Variants in CHD9 observed in about 807,000 individuals in gnomAD.
CHD9 encodes the protein chromodomain helicase DNA binding protein 9, also known as ATP-dependent chromatin remodeler CHD9.
Under a neutral mutation model 316.1 loss-of-function variants are expected in CHD9, and 77 were observed. The observed-to-expected ratio is 0.24, with a 90% CI of 0.20 to 0.29. The LOEUF is 0.29. Among genes scored for constraint, CHD9 ranks in the 10% least tolerant of loss-of-function variants. The pLI, the probability that CHD9 is intolerant of heterozygous loss-of-function variation, is 1.00. For synonymous variants in CHD9, 1,129 were observed against 1,158.3 expected (o/e 0.97, Z 0.51); for missense variants, 2,763 against 3,438.1 (o/e 0.80, Z 4.91).
Position 53,226,571 on chromosome 16 carries a change from T to C in CHD9, c.2043+59T>C, listed in dbSNP as rs2047674402. 2.6e-6 allele frequency: 4 copies of C among 1,539,342 alleles called. No individual in the cohort carries two copies. The African/African-American group carries it at 4.3e-5, about 16-fold the overall frequency. On this transcript the variant is annotated intron_variant, in intron 5 of 38. Coordinates refer to ENST00000447540, the MANE Select transcript of CHD9 (RefSeq NM_001308319.2). ...TTTAAACCGACATAAATTCTATAAATACTTGCATTGTTTTTCCTACTAAAA... is the reference window on the plus strand; with the variant it reads ...TTTAAACCGACATAAATTCTATAAACACTTGCATTGTTTTTCCTACTAAAA...
At chr16:53,254,087 G>C (rs2050358183) in intron 17 of CHD9, among the ~76,000 whole-genome samples, 2 of 152,130 alleles carry the variant, frequency 1.3e-5, no homozygotes, top group Non-Finnish European at 2.9e-5. Context: ...CGAGGCAGGA[G>C]AATCACTTGA....
chr16:53,220,305 G>A (rs2047130663), intron 3 of CHD9, among the ~76,000 whole-genome samples: 1 of 152,158 alleles, frequency 6.6e-6, no homozygotes, highest in Non-Finnish European at 1.5e-5. Flanking sequence ...TCTGTTGAAT[G>A]TGGTAATCAT....
rs374444018 is a variant in CHD9, at chr16:53,074,031, T to C, written c.-165+18954T>C. ...TGGAACTTCCTAGAGACTTGTTGAA[T>C]GGCTTTGACAAAATACTGATAATGA... is the stretch of plus-strand genomic sequence containing the variant. On this transcript the variant is annotated intron_variant, in intron 1 of 38. Coordinates refer to ENST00000447540, the MANE Select transcript of CHD9 (RefSeq NM_001308319.2). Among the ~76,000 whole-genome samples, 6 of 152,222 alleles carry C rather than the reference T, an allele frequency of 3.9e-5. No individual in the cohort carries two copies. The East Asian group carries it at 1.2e-3, about 29-fold the overall frequency.
chr16:53,209,259 A>G (rs1489071250), intron 2 of CHD9, among the ~76,000 whole-genome samples: 5 of 152,202 alleles, frequency 3.3e-5, no homozygotes, highest in African/African-American at 1.2e-4. Context: ...CAATGAATCT[A>G]TATTATTCTT....
chr16:53,247,564 C>A, intron 16 of CHD9, 61 bp downstream of exon 16: 1 of 1,144,224 alleles, frequency 8.7e-7, no homozygotes. Context: ...ATTTGTGCAG[C>A]ACTGTAATGT....
chr16:53,065,798 G>A (rs1222912930), intron 1 of CHD9, among the ~76,000 whole-genome samples: 1 of 152,010 alleles, frequency 6.6e-6, no homozygotes, highest in Non-Finnish European at 1.5e-5. Context: ...CTGCCTTTTT[G>A]GAGCTCCTCA....
chr16:53,076,771 T>TCAAAAA (rs1371113179), intron 1 of CHD9, among the ~76,000 whole-genome samples: 2 of 151,564 alleles, frequency 1.3e-5, no homozygotes, highest in Non-Finnish European at 2.9e-5. Flanking sequence ...AGACTCTATC[T>TCAAAAA]CAAAAACAAA....
intron 34 of CHD9, chr16:53,311,867 A>G (rs2056504793): frequency 6.6e-6 from 1 of 152,188 alleles, no homozygotes; most frequent in Non-Finnish European, 1.5e-5. Flanking sequence ...GTTTTTGATG[A>G]TTTGAGATAG....
chr16:53,174,672 G>A (rs565728646), intron 2 of CHD9, among the ~76,000 whole-genome samples: 3 of 152,188 alleles, frequency 2.0e-5, no homozygotes, highest in East Asian at 1.9e-4. Flanking sequence ...GCAGTGGCGC[G>A]ATCATGGCTC....
At position 53,238,504 on chromosome 16, in the gene CHD9, A is replaced by C. The variant is rs1217897373; in HGVS notation, c.2795A>C (p.Asp932Ala). 1.2e-6 allele frequency: 2 copies of C among 1,613,100 alleles called. No individual in the cohort carries two copies. Among genetic ancestry groups the C allele is most frequent in the East Asian group, 2.2e-5 (1 of 44,828 alleles). The change falls in exon 12 of 39, where the codon GAT (aspartate) becomes GCT (alanine). Residue 932 changes from aspartate to alanine, a missense_variant. Asp to Ala is a moderately radical substitution (Grantham distance 126). Coordinates refer to ENST00000447540, the MANE Select transcript of CHD9 (RefSeq NM_001308319.2). ...NWEREFRTWTDINVVVYHGSL... is the reference protein window; with the variant it reads ...NWEREFRTWTAINVVVYHGSL... ...GAGAGAGAATTTCGTACGTGGACTG[A>C]TATTAACGTTGTGGTTTATCATGGG... is the stretch of plus-strand genomic sequence containing the variant.
At chr16:53,189,637 G>A (rs917356043) in intron 2 of CHD9, among the ~76,000 whole-genome samples, 2 of 151,882 alleles carry the variant, frequency 1.3e-5, no homozygotes, top group Non-Finnish European at 2.9e-5. Context: ...CTGCTCTGCA[G>A]TTTGAATTTA....
intron 1 of CHD9, among the ~76,000 whole-genome samples, chr16:53,091,019 G>T (rs1018056897): frequency 6.7e-6 from 1 of 150,038 alleles, no homozygotes; most frequent in African/African-American, 2.4e-5. Context: ...CCGACTGACC[G>T]CGGTGAGGCT....
chr16:53,156,763 C>CT lies in CHD9; in HGVS notation c.675dup (p.Ile226TyrfsTer20). On this transcript the variant is annotated frameshift_variant, in exon 2 of 39. Coordinates refer to ENST00000447540, the MANE Select transcript of CHD9 (RefSeq NM_001308319.2). LOFTEE classifies it high-confidence loss of function. ...ACTAATGCATCTAATTCACAACAGT[C>CT]TATTTCAATGCAGCAATTTTCTCAA... 1 of 1,613,814 alleles carries CT rather than the reference C, an allele frequency of 6.2e-7. No homozygotes were observed. Among genetic ancestry groups the CT allele is most frequent in the Non-Finnish European group, 8.5e-7 (1 of 1,179,788 alleles).
chr16:53,096,662 T>C (rs1033439162), intron 1 of CHD9, among the ~76,000 whole-genome samples: 1 of 152,182 alleles, frequency 6.6e-6, no homozygotes, highest in Non-Finnish European at 1.5e-5. Flanking sequence ...AATTCTTGAA[T>C]GAAATAACTT....
chr16:53,063,106 T>C (rs2033099391), intron 1 of CHD9, among the ~76,000 whole-genome samples: 1 of 152,154 alleles, frequency 6.6e-6, no homozygotes, highest in Non-Finnish European at 1.5e-5. Flanking sequence ...ACTTACTAAG[T>C]GCTGGATGCT....
At chr16:53,060,825 G>C (rs893717844) in intron 1 of CHD9, among the ~76,000 whole-genome samples, 1 of 152,094 alleles carries the variant, frequency 6.6e-6, no homozygotes, top group African/African-American at 2.4e-5. Context: ...GGAAGCTGAC[G>C]GGGGAGGATC....
intron 1 of CHD9, among the ~76,000 whole-genome samples, chr16:53,123,729 T>C (rs2038848647): frequency 6.6e-6 from 1 of 152,048 alleles, no homozygotes; most frequent in South Asian, 2.1e-4. Flanking sequence ...CTCGAACTCC[T>C]GACCTCAAGT....
intron 1 of CHD9, among the ~76,000 whole-genome samples, chr16:53,120,687 G>A (rs1002218452): frequency 3.9e-5 from 6 of 152,080 alleles, no homozygotes; most frequent in Admixed American, 6.6e-5. Context: ...CTTAGGCTAA[G>A]TGGTATAAGT....
At chr16:53,210,244 G>T (rs1180553691) in intron 3 of CHD9, among the ~76,000 whole-genome samples, 2 of 145,906 alleles carry the variant, frequency 1.4e-5, no homozygotes, top group Non-Finnish European at 3.0e-5. Flanking sequence ...AACATGAAAT[G>T]TAATATTTTC....
Sources: gnomAD v4.1 joint callset for allele counts (sites outside exome capture counted in the v4.1 genomes callset) on GRCh38, gnomAD v4.1.1 for gene constraint, MANE v1.5 for transcripts, NCBI Gene and HGNC (gene_info 2026-07-23, HGNC 2026-07-21) for gene names.